The following EBF2 variants were observed in gnomAD, a reference collection of about 807,000 sequenced individuals.
The protein encoded by EBF2 is transcription factor COE2.
EBF2 carries 21 observed loss-of-function variants against 72.8 expected under a neutral mutation model. The observed-to-expected ratio is 0.29, with a 90% CI of 0.20 to 0.42. EBF2 has a LOEUF of 0.42. EBF2 is among the 10% of genes least tolerant of loss of function. EBF2 has a pLI of 1.00. For synonymous variants in EBF2, 299 were observed against 274.2 expected, an observed-to-expected ratio of 1.09 and a Z score of -0.89; for missense variants, 637 against 731.2, an observed-to-expected ratio of 0.87 and a Z score of 1.49.
chr8:26,018,776 T>C (rs1805155982), intron 6 of EBF2, among the ~76,000 whole-genome samples: 1 of 151,714 alleles, frequency 6.6e-6, no homozygotes, highest in South Asian at 2.1e-4. Flanking sequence ...GCATTTGGAG[T>C]GTGAAGAGGT....
intron 6 of EBF2, among the ~76,000 whole-genome samples, chr8:25,969,303 G>A (rs1804157890): frequency 6.6e-6 from 1 of 152,248 alleles, no homozygotes; most frequent in South Asian, 2.1e-4. Context: ...CTTGCGCAAA[G>A]CCTAGGAATC....
intron 10 of EBF2, among the ~76,000 whole-genome samples, chr8:25,876,311 G>A (rs985194664): frequency 2.0e-5 from 3 of 152,144 alleles, no homozygotes; most frequent in African/African-American, 4.8e-5. Context: ...TGCATGCAGG[G>A]CTTAATAGCT....
At chr8:25,989,343 A>T (rs1804510283) in intron 6 of EBF2, among the ~76,000 whole-genome samples, 1 of 152,218 alleles carries the variant, frequency 6.6e-6, no homozygotes. Context: ...CCCATGTGAC[A>T]TTAAGGCAAG....
intron 6 of EBF2, among the ~76,000 whole-genome samples, chr8:26,008,419 A>G (rs1804918688): frequency 2.0e-5 from 3 of 152,200 alleles, no homozygotes; most frequent in African/African-American, 7.2e-5. Context: ...GTGCCCATTA[A>G]ATAAATGTTT....
At chr8:25,848,094 G>A (rs778909444) in intron 15 of EBF2, among the ~76,000 whole-genome samples, 1 of 152,080 alleles carries the variant, frequency 6.6e-6, no homozygotes, top group Non-Finnish European at 1.5e-5. Flanking sequence ...CACAGGCTAG[G>A]CTCAAGTGAT....
intron 14 of EBF2, among the ~76,000 whole-genome samples, chr8:25,857,805 GC>G (rs1309155574): frequency 6.6e-6 from 1 of 152,188 alleles, no homozygotes; most frequent in Non-Finnish European, 1.5e-5. Flanking sequence ...TCAAAAAGCA[GC>G]ATGGTGTGAT....
chr8:25,989,572 C>T (rs935469998), intron 6 of EBF2, among the ~76,000 whole-genome samples: 1 of 152,082 alleles, frequency 6.6e-6, no homozygotes, highest in Non-Finnish European at 1.5e-5. Context: ...CCTCATATGC[C>T]GGAGGCGCTT....
chr8:25,906,496 G>C (rs1210318456), intron 7 of EBF2, among the ~76,000 whole-genome samples: 4 of 152,188 alleles, frequency 2.6e-5, no homozygotes, highest in Non-Finnish European at 5.9e-5. Context: ...CCCAGAAGCG[G>C]TGGCTCACAC....
intron 10 of EBF2, among the ~76,000 whole-genome samples, chr8:25,871,090 C>G (rs1585269366): frequency 6.6e-6 from 1 of 152,154 alleles, no homozygotes; most frequent in African/African-American, 2.4e-5. Flanking sequence ...CTCTTTGGTT[C>G]CAGACTGACT....
chr8:25,918,759 CA>C (rs1035619259), intron 6 of EBF2, among the ~76,000 whole-genome samples: 19 of 151,280 alleles, frequency 1.3e-4, no homozygotes, highest in Admixed American at 3.3e-4. Context: ...TTCAAACAAT[CA>C]AAAAAAAATC....
chr8:25,930,700 C>T (rs1803465199), intron 6 of EBF2, among the ~76,000 whole-genome samples: 1 of 152,106 alleles, frequency 6.6e-6, no homozygotes, highest in Non-Finnish European at 1.5e-5. Flanking sequence ...TGCTCAATGA[C>T]TAGCTTTGGT....
At chr8:25,976,721 A>C (rs1427417415) in intron 6 of EBF2, among the ~76,000 whole-genome samples, 3 of 152,240 alleles carry the variant, frequency 2.0e-5, no homozygotes, top group Non-Finnish European at 4.4e-5. Flanking sequence ...AAGTAAACAT[A>C]AATGTGTATA....
chr8:25,974,017 T>C (rs1010764325), intron 6 of EBF2, among the ~76,000 whole-genome samples: 2 of 152,242 alleles, frequency 1.3e-5, no homozygotes, highest in African/African-American at 4.8e-5. Flanking sequence ...TAGGGCTTTC[T>C]GCTCATTTCC....
At chr8:25,986,876 T>C (rs763997483) in intron 6 of EBF2, among the ~76,000 whole-genome samples, 3 of 152,266 alleles carry the variant, frequency 2.0e-5, no homozygotes, top group South Asian at 2.1e-4. Flanking sequence ...AATAAAATCA[T>C]ATAAAGAAGC....
rs543952507 is a variant in EBF2 at position 26,029,445 on chromosome 8, T to C, written c.551+3640A>G. On this transcript the variant is annotated intron_variant, in intron 6 of 15. Transcript: ENST00000520164. Reference sequence around the variant, plus strand: ...AATGGAATTATAGCTGCATTATTATTTGTCCATAGCAGTTTGGAAGGCAAA... The same window carrying C: ...AATGGAATTATAGCTGCATTATTATCTGTCCATAGCAGTTTGGAAGGCAAA... Among the ~76,000 whole-genome samples the C allele has an allele frequency of 2.6e-5, 4 of 152,324 alleles. No homozygotes were observed. In the South Asian group the frequency reaches 8.3e-4, roughly 32 times the overall value.
chr8:25,933,921 A>G (rs1803528368), intron 6 of EBF2, among the ~76,000 whole-genome samples: 1 of 152,186 alleles, frequency 6.6e-6, no homozygotes, highest in Non-Finnish European at 1.5e-5. Flanking sequence ...TTATTTGTCC[A>G]TATTTTCTAA....
chr8:25,988,530 G>A (rs906674100), intron 6 of EBF2, among the ~76,000 whole-genome samples: 2 of 152,178 alleles, frequency 1.3e-5, no homozygotes, highest in Non-Finnish European at 2.9e-5. Context: ...AGGCTCATAT[G>A]ATCTCAGCTT....
chr8:25,894,696 T>A (rs1460218241), intron 7 of EBF2, among the ~76,000 whole-genome samples: 1 of 152,208 alleles, frequency 6.6e-6, no homozygotes, highest in African/African-American at 2.4e-5. Flanking sequence ...AATCTTTACA[T>A]CTTAGCTAAA....
At chr8:26,022,451 G>A (rs1232697282) in intron 6 of EBF2, among the ~76,000 whole-genome samples, 1 of 152,164 alleles carries the variant, frequency 6.6e-6, no homozygotes, top group African/African-American at 2.4e-5. Flanking sequence ...GGGGCTACAT[G>A]GAAATAGAAG....
Sources: gnomAD v4.1 joint callset for allele counts (sites outside exome capture counted in the v4.1 genomes callset) on GRCh38, gnomAD v4.1.1 for gene constraint, MANE v1.5 for transcripts, NCBI Gene and HGNC (gene_info 2026-07-23, HGNC 2026-07-21) for gene names.